The following SCAMP1 variants were observed in gnomAD, a reference collection of about 807,000 sequenced individuals.
The protein encoded by SCAMP1 is secretory carrier-associated membrane protein 1.
Under a neutral mutation model 41.8 loss-of-function variants are expected in SCAMP1, and 15 were observed. The observed-to-expected ratio is 0.36, with a 90% CI of 0.24 to 0.55. The LOEUF is 0.55. SCAMP1 is among the 20% of genes least tolerant of loss of function. The pLI, the probability that SCAMP1 is intolerant of heterozygous loss-of-function variation, is 0.86. For synonymous variants in SCAMP1, 135 were observed against 136.8 expected, an observed-to-expected ratio of 0.99 and a Z score of 0.09; for missense variants, 341 against 412.6, an observed-to-expected ratio of 0.83 and a Z score of 1.50.
intron 4 of SCAMP1, among the ~76,000 whole-genome samples, chr5:78,417,106 A>G (rs1342176401): frequency 2.0e-5 from 3 of 152,236 alleles, no homozygotes; most frequent in Non-Finnish European, 4.4e-5. Context: ...AGGTATTCAT[A>G]TGATGCCAAA....
chr5:78,413,841 G>T, intron 2 of SCAMP1, among the ~76,000 whole-genome samples: 1 of 152,134 alleles, frequency 6.6e-6, no homozygotes, highest in East Asian at 1.9e-4. Context: ...CTATATATTG[G>T]TGGTGTCTTC....
intron 8 of SCAMP1, among the ~76,000 whole-genome samples, chr5:78,473,987 A>G (rs13174614): frequency 0.45 from 68,637 of 151,626 alleles, 16,326 homozygotes; most frequent in Non-Finnish European, 0.51. Flanking sequence ...AGGGGGGCCA[A>G]CTTCCTGGTT....
intron 8 of SCAMP1, among the ~76,000 whole-genome samples, chr5:78,466,266 G>T (rs969754600): frequency 3.9e-5 from 6 of 152,214 alleles, no homozygotes; most frequent in Admixed American, 3.9e-4. Flanking sequence ...TCACCTGTTG[G>T]TGAGGAAGAG....
chr5:78,443,684 G>A (rs939671458), intron 6 of SCAMP1, among the ~76,000 whole-genome samples: 1 of 102,174 alleles, frequency 9.8e-6, no homozygotes, highest in African/African-American at 3.9e-5. Flanking sequence ...TTTTGAGATA[G>A]GATCTCATTC....
intron 8 of SCAMP1, among the ~76,000 whole-genome samples, chr5:78,460,374 G>A (rs1044166490): frequency 2.0e-5 from 3 of 152,040 alleles, no homozygotes; most frequent in East Asian, 1.9e-4. Context: ...TCCCGTCAAC[G>A]GTATATAAGC....
In SCAMP1 at chr5:78,450,031, A is replaced by G. The variant is rs1432904013; in HGVS notation, c.731A>G (p.Asn244Ser). The stretch of plus-strand genomic sequence containing the variant: ...GCTGCAGGATTTCATAACTGGGGCA[A>G]TTGGTAAGTTTTTTTTTTTACTAGT... ...LQAAGFHNWG[N>S]CGWISSLTGL... Residue 244 changes from asparagine (N) to serine (S), a missense_variant, in exon 7 of 9, where the codon AAT becomes AGT. Asn to Ser is a conservative substitution (Grantham distance 46, BLOSUM62 1). Transcript: ENST00000621999. The G allele has an allele frequency of 3.9e-6, 6 of 1,525,382 alleles. No individual in the cohort carries two copies. The highest frequency in any genetic ancestry group is 2.9e-5 in the African/African-American group (2 of 69,676). The allele number at this position is 1,525,382 out of a possible 1,614,324, so 94.5% of individuals were successfully genotyped here.
intron 8 of SCAMP1, among the ~76,000 whole-genome samples, chr5:78,469,265 C>G (rs1233063305): frequency 6.6e-6 from 1 of 152,110 alleles, no homozygotes; most frequent in Non-Finnish European, 1.5e-5. Flanking sequence ...TGCTACTTCT[C>G]TCTCAGAACC....
At position 78,443,228 on chromosome 5, in the gene SCAMP1, A is replaced by AG. The variant is rs1269454786; in HGVS notation, c.633-6705_633-6704insG. On this transcript the variant is annotated intron_variant, in intron 6 of 8. Coordinates refer to ENST00000621999, the MANE Select transcript of SCAMP1 (RefSeq NM_004866.6). Reference sequence around the variant, plus strand: ...ACTCTGTCTCAAAAAAAAAAAAAAAAAAAAAAAAAGAATTTTACCTTAATA... The same window carrying AG: ...ACTCTGTCTCAAAAAAAAAAAAAAAAGAAAAAAAAAGAATTTTACCTTAATA... Among the ~76,000 whole-genome samples the AG allele has an allele frequency of 2.7e-3, 404 of 151,576 alleles. 4 individuals carry two copies. The highest frequency in any genetic ancestry group is 9.4e-3 in the African/African-American group (387 of 41,254).
intron 2 of SCAMP1, among the ~76,000 whole-genome samples, chr5:78,402,544 T>A (rs1751825653): frequency 1.3e-5 from 2 of 152,200 alleles, no homozygotes; most frequent in South Asian, 4.1e-4. Flanking sequence ...TCTTGGAGAA[T>A]TGACCCATGT....
intron 1 of SCAMP1, among the ~76,000 whole-genome samples, chr5:78,384,364 G>GA (rs1346968432): frequency 5.3e-5 from 8 of 151,974 alleles, no homozygotes; most frequent in Non-Finnish European, 1.2e-4. Context: ...GATGAATCTT[G>GA]AGGGTTTTCT....
chr5:78,360,870 TG>T (rs1269870770), intron 1 of SCAMP1, 142 bp downstream of exon 1: 2 of 780,080 alleles, frequency 2.6e-6, no homozygotes, highest in Non-Finnish European at 4.1e-6. Flanking sequence ...GTCCTCCATT[TG>T]GGGTCGCGCC....
chr5:78,466,129 A>T (rs976023253), intron 8 of SCAMP1, among the ~76,000 whole-genome samples: 6 of 152,236 alleles, frequency 3.9e-5, no homozygotes, highest in African/African-American at 7.2e-5. Flanking sequence ...TAGAAGTAGA[A>T]ATGTAATACA....
chr5:78,456,251 CGTTA>C (rs2112222789), intron 7 of SCAMP1, among the ~76,000 whole-genome samples: 1 of 145,456 alleles, frequency 6.9e-6, no homozygotes, highest in East Asian at 2.0e-4. Flanking sequence ...TGATTTTGCT[CGTTA>C]GTTGATGCAG....
chr5:78,416,724 A>G (rs957024904), intron 4 of SCAMP1, 75 bp downstream of exon 4: 4 of 1,125,092 alleles, frequency 3.6e-6, no homozygotes, highest in Non-Finnish European at 3.8e-6. Flanking sequence ...CTCCTAGGTC[A>G]TTTGGCCTGT....
chr5:78,450,169 A>G (rs1198210829), intron 7 of SCAMP1, 135 bp downstream of exon 7: 9 of 583,596 alleles, frequency 1.5e-5, no homozygotes, highest in Non-Finnish European at 2.3e-5. Flanking sequence ...TAAAAATACA[A>G]TTTTAAAATG....
chr5:78,380,319 G>T (rs533617425), intron 1 of SCAMP1, among the ~76,000 whole-genome samples: 1 of 152,326 alleles, frequency 6.6e-6, no homozygotes, highest in East Asian at 1.9e-4. Flanking sequence ...CTAGAAGTGA[G>T]ACTGTGGGTC....
intron 1 of SCAMP1, among the ~76,000 whole-genome samples, chr5:78,363,291 C>A (rs983361543): frequency 6.6e-6 from 1 of 151,966 alleles, no homozygotes; most frequent in Non-Finnish European, 1.5e-5. Flanking sequence ...CTGCTCACTG[C>A]AAGCGCTGCC....
intron 1 of SCAMP1, among the ~76,000 whole-genome samples, chr5:78,367,656 T>A (rs1750832027): frequency 1.3e-5 from 2 of 152,182 alleles, no homozygotes; most frequent in Admixed American, 1.3e-4. Context: ...TGGCAAGCAA[T>A]AGGCTCCACT....
At chr5:78,414,956 CT>C (rs11318423) in intron 2 of SCAMP1, among the ~76,000 whole-genome samples, 39,690 of 138,900 alleles carry the variant, frequency 0.29, 5,139 homozygotes, top group East Asian at 0.52. Flanking sequence ...CTCAAAAGTT[CT>C]TTTTTTTTTT....
Sources: allele counts gnomAD v4.1 joint callset (sites outside exome capture counted in the v4.1 genomes callset), GRCh38; gene constraint gnomAD v4.1.1; transcripts MANE v1.5; gene names NCBI Gene and HGNC (gene_info 2026-07-23, HGNC 2026-07-21).